Variants in ZHX2 observed in about 807,000 individuals in gnomAD.
ZHX2 encodes the protein zinc fingers and homeoboxes protein 2.
ZHX2 carries 6 observed loss-of-function variants against 21.9 expected under a neutral mutation model. The ratio of observed to expected loss-of-function variants is 0.27; its 90% confidence interval spans 0.15 to 0.54. ZHX2 has a LOEUF of 0.54. Ranked by LOEUF, ZHX2 falls within the 20% of genes least tolerant of loss-of-function variation. The probability of loss-of-function intolerance (pLI) is 0.95; values close to 1 mark genes in which losing one functional copy is unlikely to be tolerated. For synonymous variants in ZHX2, 434 were observed against 437.1 expected (o/e 0.99, Z 0.09); for missense variants, 908 against 1,090.7 (o/e 0.83, Z 2.36).
intron 1 of ZHX2, among the ~76,000 whole-genome samples, chr8:122,796,384 T>A (rs1417335021): frequency 6.6e-6 from 1 of 152,146 alleles, no homozygotes; most frequent in African/African-American, 2.4e-5. Flanking sequence ...TTGTCACCAG[T>A]GGGATGGTGG....
chr8:122,851,204 A>G (rs1385426224), intron 1 of ZHX2, among the ~76,000 whole-genome samples: 1 of 152,204 alleles, frequency 6.6e-6, no homozygotes, highest in Non-Finnish European at 1.5e-5. Context: ...AGATTTATGG[A>G]TAAAATGAAG....
intron 1 of ZHX2, among the ~76,000 whole-genome samples, chr8:122,801,830 G>T (rs1290201133): frequency 2.6e-5 from 4 of 152,146 alleles, no homozygotes; most frequent in African/African-American, 9.7e-5. Flanking sequence ...GGAGGAAGAT[G>T]ACTGCCAGTT....
At chr8:122,897,251 C>T (rs1820120665) in intron 2 of ZHX2, among the ~76,000 whole-genome samples, 1 of 152,174 alleles carries the variant, frequency 6.6e-6, no homozygotes, top group South Asian at 2.1e-4. Flanking sequence ...CCTCACTGTG[C>T]CTCAGTTTTG....
chr8:122,805,609 C>T (rs1817806910), intron 1 of ZHX2, among the ~76,000 whole-genome samples: 2 of 152,216 alleles, frequency 1.3e-5, no homozygotes, highest in African/African-American at 4.8e-5. Flanking sequence ...TGTATACAAG[C>T]TCCATGCCAG....
At chr8:122,780,708 G>C (rs924454717), upstream of ZHX2, 2 of 152,236 alleles carry the variant, frequency 1.3e-5, no homozygotes, top group African/African-American at 4.8e-5. Context: ...GCCGCGGTGA[G>C]AGCTCCGCTC....
chr8:122,818,242 G>A (rs547497680), intron 1 of ZHX2, among the ~76,000 whole-genome samples: 12 of 151,272 alleles, frequency 7.9e-5, no homozygotes, highest in Non-Finnish European at 1.2e-4. Flanking sequence ...GAGAGTTGGC[G>A]CCCAGGCAAC....
intron 1 of ZHX2, among the ~76,000 whole-genome samples, chr8:122,849,501 G>T (rs767795349): frequency 6.6e-6 from 1 of 152,140 alleles, no homozygotes; most frequent in Admixed American, 6.5e-5. Flanking sequence ...CCCTCTGAAG[G>T]CTCTAGGGAA....
intron 2 of ZHX2, among the ~76,000 whole-genome samples, chr8:122,909,612 C>CA (rs1554633467): frequency 6.6e-6 from 1 of 152,108 alleles, no homozygotes; most frequent in Admixed American, 6.5e-5. Context: ...CTCTCCCCCC[C>CA]ACAACCTGTT....
chr8:122,880,741 C>A (rs1353444647), intron 2 of ZHX2, among the ~76,000 whole-genome samples: 1 of 48,428 alleles, frequency 2.1e-5, no homozygotes, highest in Non-Finnish European at 5.1e-5. Context: ...TGCCACTACA[C>A]TCCAGCTTGG....
At chr8:122,819,333 C>T (rs1411210972) in intron 1 of ZHX2, among the ~76,000 whole-genome samples, 1 of 152,222 alleles carries the variant, frequency 6.6e-6, no homozygotes, top group Non-Finnish European at 1.5e-5. Context: ...TTATGAGATG[C>T]TCCATGCTAA....
chr8:122,961,281 G>GACTTAATA (rs1321822214), intron 3 of ZHX2, among the ~76,000 whole-genome samples: 1 of 152,200 alleles, frequency 6.6e-6, no homozygotes, highest in Non-Finnish European at 1.5e-5. Context: ...CCAGTCCTAT[G>GACTTAATA]AGATTAGGAC....
Position 122,953,564 on chromosome 8 carries a change from C to A in ZHX2, c.2054C>A (p.Thr685Lys), listed in dbSNP as rs139442320. ...WFKENRCLLK[T>K]GTVKWMEQYQ... ...AAGGAGAACAGATGCTTGCTGAAAA[C>A]GGGAACCGTGAAGTGGATGGAGCAG... The change falls in exon 3 of 4, where the codon ACG becomes AAG. Residue 685 changes from threonine (T) to lysine (K), a missense_variant. Around this residue, in one of 4 missense-constraint regions of ZHX2, gnomAD observed 431 missense variants for 428.6 expected, o/e 1.01. Coordinates refer to ENST00000314393, the MANE Select transcript of ZHX2 (RefSeq NM_014943.5). The surrounding 1 kb of genome is among the most constrained non-coding windows in gnomAD (Gnocchi z 4.6). 1 of 1,614,068 alleles carries A rather than the reference C, an allele frequency of 6.2e-7. No individual in the cohort carries two copies. Among genetic ancestry groups the A allele is most frequent in the African/African-American group, 1.3e-5 (1 of 74,934 alleles).
chr8:122,911,338 C>T (rs1381307590), intron 2 of ZHX2, among the ~76,000 whole-genome samples: 7 of 152,058 alleles, frequency 4.6e-5, no homozygotes, highest in Non-Finnish European at 1.0e-4. Flanking sequence ...AGCAGGCAGC[C>T]TCCTGTCTTC....
At chr8:122,921,975 C>T (rs2130086743) in intron 2 of ZHX2, among the ~76,000 whole-genome samples, 1 of 152,218 alleles carries the variant, frequency 6.6e-6, no homozygotes, top group Non-Finnish European at 1.5e-5. Flanking sequence ...TCAGGAAGAA[C>T]AAATGATAGG....
chr8:122,811,876 A>G (rs1817937639), intron 1 of ZHX2: 2 of 152,240 alleles, frequency 1.3e-5, no homozygotes, highest in Admixed American at 1.3e-4. Context: ...CATTCATTCA[A>G]TAAATCACCA....
intron 1 of ZHX2, among the ~76,000 whole-genome samples, chr8:122,790,768 T>C (rs529248426): frequency 3.0e-4 from 46 of 152,086 alleles, no homozygotes; most frequent in Non-Finnish European, 3.5e-4. Context: ...CCACCATGCC[T>C]GGCTAATTTT....
chr8:122,902,839 T>G (rs1820262734), intron 2 of ZHX2, among the ~76,000 whole-genome samples: 1 of 152,224 alleles, frequency 6.6e-6, no homozygotes, highest in Non-Finnish European at 1.5e-5. Context: ...GGCCTGTCTA[T>G]TTGAAATGAA....
At chr8:122,902,367 A>G (rs28457627) in intron 2 of ZHX2, among the ~76,000 whole-genome samples, 9,414 of 152,268 alleles carry the variant, frequency 0.062, 839 homozygotes, top group African/African-American at 0.2. Context: ...GCCTGGGTTC[A>G]AATCCTGGGT....
chr8:122,878,235 G>A (rs1313546255), intron 2 of ZHX2, among the ~76,000 whole-genome samples: 11 of 152,210 alleles, frequency 7.2e-5, no homozygotes, highest in Non-Finnish European at 1.5e-4. Flanking sequence ...GTGTGTGTAT[G>A]TATATCAGCT....
Sources: allele counts gnomAD v4.1 joint callset (sites outside exome capture counted in the v4.1 genomes callset), GRCh38; gene constraint gnomAD v4.1.1; regional missense constraint gnomAD v4.1.1; non-coding constraint Gnocchi (gnomAD v3.1); transcripts MANE v1.5; gene names NCBI Gene and HGNC (gene_info 2026-07-23, HGNC 2026-07-21).